The following SPAG9 variants were observed in gnomAD, a reference collection of about 807,000 sequenced individuals.
SPAG9 encodes sperm associated antigen 9.
In SPAG9, 35 loss-of-function variants were observed where a neutral mutation model predicts 166.5. The observed-to-expected ratio is 0.21, with a 90% CI of 0.16 to 0.28. SPAG9 has a LOEUF of 0.28. SPAG9 is among the 10% of genes least tolerant of loss of function. The pLI is 1.00. For missense variants in SPAG9, 1,235 were observed against 1,603.3 expected, an observed-to-expected ratio of 0.77 and a Z score of 3.92; for synonymous variants, 534 against 565.5, an observed-to-expected ratio of 0.94 and a Z score of 0.79.
Position 50,998,547 on chromosome 17 carries a change from T to G in SPAG9, c.1735A>C (p.Asn579His), listed in dbSNP as rs1192011162. 1 of 1,614,028 alleles carries G rather than the reference T, an allele frequency of 6.2e-7. No homozygotes were observed. Among genetic ancestry groups the G allele is most frequent in the East Asian group, 2.2e-5 (1 of 44,892 alleles). Residue 579 changes from asparagine to histidine, a missense_variant, in exon 15 of 30, where the codon AAT becomes CAT. Asn to His is a moderately conservative substitution (Grantham distance 68, BLOSUM62 1). This residue lies in a region of SPAG9 where 493 missense variants were observed against 559.4 expected (regional missense o/e 0.88). Transcript: ENST00000262013. Reference protein sequence around the residue: ...KPEPPVNLKYNAPTSHVTPSV... With the variant: ...KPEPPVNLKYHAPTSHVTPSV... ...GGAGTAACATGAGACGTGGGTGCAT[T>G]GTACTTCAGATTAACAGGTGGTTCA...
intron 25 of SPAG9, among the ~76,000 whole-genome samples, chr17:50,980,919 T>C (rs891986589): frequency 1.3e-5 from 2 of 152,140 alleles, no homozygotes; most frequent in African/African-American, 4.8e-5. Flanking sequence ...GGAGGCTTGC[T>C]AGAGCCCAGG....
chr17:51,020,333 A>G (rs2045892495), intron 7 of SPAG9, 75 bp from the exon 8 acceptor site: 1 of 977,378 alleles, frequency 1.0e-6, no homozygotes, highest in Non-Finnish European at 1.6e-6. Flanking sequence ...TGTTGTTTTT[A>G]TGGGTGTAAA....
chr17:51,042,361 AT>A (rs1261854911), intron 4 of SPAG9, among the ~76,000 whole-genome samples: 13 of 152,330 alleles, frequency 8.5e-5, no homozygotes, highest in African/African-American at 3.1e-4. Context: ...AAGAGTTACA[AT>A]TTTAATACTA....
At chr17:50,988,297 T>C (rs1437009029) in intron 21 of SPAG9, among the ~76,000 whole-genome samples, 1 of 152,202 alleles carries the variant, frequency 6.6e-6, no homozygotes, top group East Asian at 1.9e-4. Flanking sequence ...ACCTTAGCGA[T>C]GACCTTGAGC....
chr17:50,999,621 T>C (rs1312805536), intron 14 of SPAG9, 40 bp downstream of exon 14: 1 of 1,542,044 alleles, frequency 6.5e-7, no homozygotes, highest in African/African-American at 1.4e-5. Flanking sequence ...AATTTTCTTG[T>C]CTCATGTGCT....
intron 9 of SPAG9, chr17:51,007,759 A>G (rs2045287720): frequency 4.9e-6 from 2 of 409,358 alleles, no homozygotes; most frequent in Non-Finnish European, 9.5e-6. Context: ...TTTTGCCTAA[A>G]AATTAGACCT....
chr17:50,972,409 T>C (rs1973892831), intron 28 of SPAG9, among the ~76,000 whole-genome samples: 1 of 152,244 alleles, frequency 6.6e-6, no homozygotes, highest in African/African-American at 2.4e-5. Flanking sequence ...TTATTTTTAA[T>C]TTAGATTATG....
chr17:51,068,015 A>G (rs1231882511), intron 2 of SPAG9, among the ~76,000 whole-genome samples: 2 of 152,178 alleles, frequency 1.3e-5, no homozygotes, highest in Non-Finnish European at 2.9e-5. Flanking sequence ...TGATAGGCCT[A>G]CGGGGGGAAG....
At chr17:51,027,381 G>A (rs1409561520) in intron 6 of SPAG9, among the ~76,000 whole-genome samples, 2 of 151,488 alleles carry the variant, frequency 1.3e-5, no homozygotes, top group East Asian at 3.9e-4. Context: ...GTTGCAGTGA[G>A]CCAAGATCAT....
At chr17:51,103,355 G>C (rs1049715502) in intron 1 of SPAG9, among the ~76,000 whole-genome samples, 1 of 152,190 alleles carries the variant, frequency 6.6e-6, no homozygotes, top group African/African-American at 2.4e-5. Flanking sequence ...GTAAGCTGTG[G>C]AAGGATATAA....
chr17:51,104,729 C>T (rs1457739157), intron 1 of SPAG9, among the ~76,000 whole-genome samples: 2 of 151,646 alleles, frequency 1.3e-5, no homozygotes, highest in Non-Finnish European at 2.9e-5. Context: ...GTCAGGAGAT[C>T]GAGACCATCC....
intron 15 of SPAG9, 23 bp from the exon 16 acceptor site, chr17:50,996,717 T>C (rs768001049): frequency 1.2e-6 from 2 of 1,612,738 alleles, no homozygotes; most frequent in Non-Finnish European, 8.5e-7. Context: ...AAGATTTTCC[T>C]AATTACATGA....
chr17:51,047,308 G>T, intron 4 of SPAG9, 67 bp downstream of exon 4: 1 of 926,146 alleles, frequency 1.1e-6, no homozygotes, highest in Non-Finnish European at 1.6e-6. Flanking sequence ...AAAGAACAGA[G>T]AAAAACAGAA....
At position 51,120,296 on chromosome 17, in the gene SPAG9, C is replaced by CT; in HGVS notation, c.303+57_303+58insA. On this transcript the variant is annotated intron_variant, in intron 1 of 29. Transcript: ENST00000262013. This position sits in a 1 kb window ranked among gnomAD's most constrained non-coding sequence, Gnocchi z 4.7. ...TCTAGTCCCCGACCGGGCCGCGACC[C>CT]CGCCCCGGCCGCCCCCGGAGACGGA... is the stretch of plus-strand genomic sequence containing the variant. 1.4e-6 allele frequency: 2 copies of CT among 1,426,060 alleles called. No homozygotes were observed. Among genetic ancestry groups the CT allele is most frequent in the Non-Finnish European group, 1.8e-6 (2 of 1,083,858 alleles). The allele number at this position is 1,426,060 out of a possible 1,614,324, so 88.3% of individuals were successfully genotyped here. A position where few individuals can be genotyped will look rare whatever the true frequency, so the allele number is the denominator to read the frequency against.
intron 5 of SPAG9, among the ~76,000 whole-genome samples, chr17:51,035,687 C>T (rs1231299119): frequency 6.6e-6 from 1 of 152,174 alleles, no homozygotes; most frequent in Admixed American, 6.5e-5. Flanking sequence ...GAGCTTCTCA[C>T]AGCAGTTTAC....
Position 51,038,461 on chromosome 17 carries a change from T to C in SPAG9, c.741+3040A>G, listed in dbSNP as rs1167421751. Among the ~76,000 whole-genome samples the C allele has an allele frequency of 3.9e-5, 6 of 152,194 alleles. No homozygotes were observed. In the South Asian group the frequency reaches 1.0e-3, roughly 26 times the overall value. Reference sequence around the variant, plus strand: ...TCAAGAAGCTGAATATATTGAAATATATAAATGCTACTAAAAGGTAAGATG... The same window carrying C: ...TCAAGAAGCTGAATATATTGAAATACATAAATGCTACTAAAAGGTAAGATG... On this transcript the variant is annotated intron_variant, in intron 5 of 29. Transcript: ENST00000262013.
At chr17:51,094,107 C>T (rs929269276) in intron 1 of SPAG9, among the ~76,000 whole-genome samples, 5 of 152,124 alleles carry the variant, frequency 3.3e-5, no homozygotes, top group Admixed American at 2.0e-4. Context: ...ACCAGCCACA[C>T]CTCAAAGAGA....
chr17:51,057,576 T>C (rs552808227), intron 2 of SPAG9, among the ~76,000 whole-genome samples: 12 of 152,320 alleles, frequency 7.9e-5, no homozygotes, highest in Admixed American at 7.2e-4. Flanking sequence ...AAACATACCT[T>C]GTGCTGCCCA....
chr17:51,092,439 C>T (rs1337950328), intron 1 of SPAG9, among the ~76,000 whole-genome samples: 1 of 151,994 alleles, frequency 6.6e-6, no homozygotes, highest in Admixed American at 6.6e-5. Flanking sequence ...CAACCAACTA[C>T]AAAACTACAT....
Sources: allele counts gnomAD v4.1 joint callset (sites outside exome capture counted in the v4.1 genomes callset), GRCh38; gene constraint gnomAD v4.1.1; regional missense constraint gnomAD v4.1.1; non-coding constraint Gnocchi (gnomAD v3.1); transcripts MANE v1.5; gene names NCBI Gene and HGNC (gene_info 2026-07-23, HGNC 2026-07-21).